COL26A1: variants seen among roughly 807,000 people sequenced by gnomAD.
COL26A1 encodes collagen type XXVI alpha 1 chain, also known as collagen alpha-1(XXVI) chain.
COL26A1 carries 41 observed loss-of-function variants against 59.3 expected under a neutral mutation model. The ratio of observed to expected loss-of-function variants is 0.69; its 90% CI spans 0.54 to 0.90. COL26A1 has a LOEUF of 0.90. Ranked by LOEUF, COL26A1 falls within the 40% of genes least tolerant of loss-of-function variation. COL26A1 has a pLI of 0.00. For synonymous variants in COL26A1, 266 were observed against 256.0 expected (o/e 1.04, Z -0.37); for missense variants, 612 against 602.3 (o/e 1.02, Z -0.17).
intron 2 of COL26A1, among the ~76,000 whole-genome samples, chr7:101,441,715 T>A (rs543023124): frequency 6.6e-6 from 1 of 152,222 alleles, no homozygotes; most frequent in South Asian, 2.1e-4. Flanking sequence ...TCCCGCCTGG[T>A]GGGTGAGGGC....
At chr7:101,432,371 G>A (rs1395209417) in intron 2 of COL26A1, among the ~76,000 whole-genome samples, 1 of 152,218 alleles carries the variant, frequency 6.6e-6, no homozygotes, top group Non-Finnish European at 1.5e-5. Flanking sequence ...ATGAAGAGGA[G>A]TGGGTGGATC....
chr7:101,550,444 G>A lies in COL26A1; in HGVS notation c.994-664G>A, dbSNP rs532430205. On this transcript the variant is annotated intron_variant, in intron 9 of 12. Transcript: ENST00000313669. ...CCACTGCCCTCCAGCCTGGGTGACAGAGCAAGACCCTGTCTCATTAAAAAA... is the reference window on the plus strand; with the variant it reads ...CCACTGCCCTCCAGCCTGGGTGACAAAGCAAGACCCTGTCTCATTAAAAAA... Among the ~76,000 whole-genome samples the A allele has an allele frequency of 1.4e-4, 22 of 152,312 alleles. No homozygotes were observed. In the East Asian group the frequency reaches 4.2e-3, roughly 29 times the overall value.
At chr7:101,382,874 G>A (rs764748614) in intron 1 of COL26A1, among the ~76,000 whole-genome samples, 36 of 152,016 alleles carry the variant, frequency 2.4e-4, no homozygotes, top group Non-Finnish European at 3.4e-4. Context: ...GGAGAATATC[G>A]CTACTAAAAA....
chr7:101,376,611 G>A (rs1406318791), intron 1 of COL26A1, among the ~76,000 whole-genome samples: 1 of 152,142 alleles, frequency 6.6e-6, no homozygotes, highest in Non-Finnish European at 1.5e-5. Flanking sequence ...GCTGCTGCAG[G>A]GGAGCCGGAG....
At chr7:101,526,045 T>A (rs1584486640) in intron 3 of COL26A1, among the ~76,000 whole-genome samples, 1 of 151,972 alleles carries the variant, frequency 6.6e-6, no homozygotes, top group South Asian at 2.1e-4. Flanking sequence ...TTTCTTTTCT[T>A]TTCCTTTTTC....
chr7:101,382,951 A>G (rs1791480965), intron 1 of COL26A1, among the ~76,000 whole-genome samples: 1 of 152,200 alleles, frequency 6.6e-6, no homozygotes, highest in Non-Finnish European at 1.5e-5. Flanking sequence ...TGGAGGCAGG[A>G]GAATCACTTG....
rs114214697 is a variant in COL26A1, at chr7:101,433,008, T to G, written c.281+12909T>G. 1.8e-3 allele frequency among the ~76,000 whole-genome samples: 273 copies of G among 152,260 alleles called. 1 individual carries two copies. The highest frequency in any genetic ancestry group is 6.3e-3 in the African/African-American group (262 of 41,574). On this transcript the variant is annotated intron_variant, in intron 2 of 12. Coordinates refer to ENST00000313669, the MANE Select transcript of COL26A1 (RefSeq NM_001278563.3). ...TAAGCCACTGTATCTGGTGAAGAAG[T>G]GCATTCTTTTATTATGGTTAAGAAT...
At chr7:101,527,498 T>C (rs1009787477) in intron 3 of COL26A1, among the ~76,000 whole-genome samples, 6 of 151,616 alleles carry the variant, frequency 4.0e-5, no homozygotes, top group Non-Finnish European at 5.9e-5. Flanking sequence ...CAGCTGATTT[T>C]TTTTTTTTTG....
chr7:101,393,146 C>T (rs940829991), intron 1 of COL26A1, among the ~76,000 whole-genome samples: 4 of 151,924 alleles, frequency 2.6e-5, no homozygotes, highest in South Asian at 2.1e-4. Flanking sequence ...AGATTACAGG[C>T]GTGTGCCACC....
chr7:101,469,058 G>A (rs909653818), intron 3 of COL26A1, among the ~76,000 whole-genome samples: 2 of 152,208 alleles, frequency 1.3e-5, no homozygotes, highest in African/African-American at 4.8e-5. Flanking sequence ...ATCTGGCAGA[G>A]CGCATCAGCA....
At chr7:101,418,149 G>A (rs1166555907) in intron 1 of COL26A1, among the ~76,000 whole-genome samples, 5 of 152,004 alleles carry the variant, frequency 3.3e-5, no homozygotes, top group Admixed American at 6.6e-5. Context: ...ATGAGTGTGA[G>A]CCACCGCACT....
intron 3 of COL26A1, among the ~76,000 whole-genome samples, chr7:101,450,039 G>A (rs769240983): frequency 2.1e-4 from 32 of 150,674 alleles, no homozygotes; most frequent in Middle Eastern, 3.4e-3. Context: ...CAGAAGAATC[G>A]CTTGAACCCA....
chr7:101,481,481 A>G (rs1329773740), intron 3 of COL26A1, among the ~76,000 whole-genome samples: 5 of 149,928 alleles, frequency 3.3e-5, no homozygotes, highest in African/African-American at 1.2e-4. Flanking sequence ...TGAAACAGGG[A>G]CTCACTGTCA....
At chr7:101,490,231 G>A (rs558024329) in intron 3 of COL26A1, among the ~76,000 whole-genome samples, 14 of 151,806 alleles carry the variant, frequency 9.2e-5, no homozygotes, top group East Asian at 7.9e-4. Context: ...CCACCGTGCC[G>A]GGCCTTTTTA....
chr7:101,533,142 A>G lies in COL26A1; in HGVS notation c.446A>G (p.Lys149Arg), dbSNP rs759975663. Residue 149 changes from lysine to arginine, a missense_variant and splice_region_variant, in exon 4 of 13, where the codon AAG becomes AGG. Lys to Arg is a conservative substitution (Grantham distance 26, BLOSUM62 2). Transcript: ENST00000313669. ...MSERLTTLEA[K>R]VLLLEAAERP... ...GAGCGACTGACCACACTGGAGGCCA[A>G]GGTCAGTCGGGCTGGGGAGTCTGGG... is the stretch of plus-strand genomic sequence containing the variant. 26 of 1,601,492 alleles carry G rather than the reference A, an allele frequency of 1.6e-5. No homozygotes were observed. Among genetic ancestry groups the G allele is most frequent in the Non-Finnish European group, 2.1e-5 (25 of 1,175,458 alleles).
At chr7:101,432,255 T>G (rs1792800464) in intron 2 of COL26A1, among the ~76,000 whole-genome samples, 1 of 152,026 alleles carries the variant, frequency 6.6e-6, no homozygotes, top group African/African-American at 2.4e-5. Flanking sequence ...AGCCACCATG[T>G]CCATCCTGAT....
chr7:101,536,187 T>C (rs1795478661), intron 4 of COL26A1, among the ~76,000 whole-genome samples: 1 of 152,238 alleles, frequency 6.6e-6, no homozygotes. Flanking sequence ...GGCTAATTTT[T>C]GTATTTTTAG....
rs1046268887 is a variant in COL26A1 at position 101,445,593 on chromosome 7, G to A, written c.282-2091G>A. Among the ~76,000 whole-genome samples, 6 of 150,588 alleles carry A rather than the reference G, an allele frequency of 4.0e-5. No individual in the cohort carries two copies. In the South Asian group the frequency reaches 8.4e-4, roughly 21 times the overall value. On this transcript the variant is annotated intron_variant, in intron 2 of 12. Coordinates refer to ENST00000313669, the MANE Select transcript of COL26A1 (RefSeq NM_001278563.3). ...AAAAATACAAAAAAATTGGCCGGGC[G>A]TGGTGGCGGGCGCCTGTAGTCCCAG...
At chr7:101,489,189 G>A (rs1383950312) in intron 3 of COL26A1, among the ~76,000 whole-genome samples, 1 of 151,972 alleles carries the variant, frequency 6.6e-6, no homozygotes. Context: ...CCTCTTGTGG[G>A]AATCAGTCCT....
Sources: gnomAD v4.1 joint callset for allele counts (sites outside exome capture counted in the v4.1 genomes callset) on GRCh38, gnomAD v4.1.1 for gene constraint, MANE v1.5 for transcripts, NCBI Gene and HGNC (gene_info 2026-07-23, HGNC 2026-07-21) for gene names.